The following SHTN1 variants were observed in gnomAD, a reference collection of about 807,000 sequenced individuals.
The protein encoded by SHTN1 is shootin-1.
Under a neutral mutation model 83.1 loss-of-function variants are expected in SHTN1, and 42 were observed. The ratio of observed to expected loss-of-function variants is 0.51; its 90% CI spans 0.39 to 0.65. The LOEUF (loss-of-function observed/expected upper bound fraction) is 0.65, where lower values mean the gene tolerates loss of function less well. Ranked by LOEUF, SHTN1 falls within the 30% of genes least tolerant of loss-of-function variation. SHTN1 has a pLI of 0.00. For missense variants in SHTN1, 622 were observed against 737.8 expected, an observed-to-expected ratio of 0.84 and a Z score of 1.82; for synonymous variants, 224 against 247.7, an observed-to-expected ratio of 0.90 and a Z score of 0.90.
chr10:117,018,082 TGTA>T (rs1291050593), intron 2 of SHTN1, among the ~76,000 whole-genome samples: 3 of 152,258 alleles, frequency 2.0e-5, no homozygotes, highest in African/African-American at 4.8e-5. Flanking sequence ...CTACAATTGA[TGTA>T]GTATTCTGGA....
chr10:117,099,391 T>G (rs1044476711), intron 1 of SHTN1, among the ~76,000 whole-genome samples: 1 of 151,788 alleles, frequency 6.6e-6, no homozygotes, highest in African/African-American at 2.4e-5. Context: ...AATAAAAAAA[T>G]TTTAAGTATA....
At chr10:117,088,969 C>T (rs547466747) in intron 1 of SHTN1, among the ~76,000 whole-genome samples, 5 of 152,188 alleles carry the variant, frequency 3.3e-5, no homozygotes, top group African/African-American at 9.7e-5. Flanking sequence ...CTCTATATCC[C>T]TATAACCTGG....
intron 1 of SHTN1, among the ~76,000 whole-genome samples, chr10:117,073,516 T>C (rs1351054651): frequency 6.6e-6 from 1 of 152,194 alleles, no homozygotes; most frequent in Non-Finnish European, 1.5e-5. Context: ...GCATTTCCAA[T>C]ATGTCACAGA....
intron 2 of SHTN1, among the ~76,000 whole-genome samples, chr10:117,042,263 T>C (rs1178985943): frequency 6.6e-6 from 1 of 152,204 alleles, no homozygotes; most frequent in Non-Finnish European, 1.5e-5. Flanking sequence ...AGAAATGTCA[T>C]GCTCAGAAGC....
intron 2 of SHTN1, among the ~76,000 whole-genome samples, chr10:116,972,274 T>C (rs1850644349): frequency 6.6e-6 from 1 of 152,164 alleles, no homozygotes; most frequent in African/African-American, 2.4e-5. Context: ...CATGTTGCTT[T>C]GCTTTCTATT....
rs1388984413 is a variant in SHTN1 at position 117,038,087 on chromosome 10, C to A, written c.-123+10358G>T. Reference sequence around the variant, plus strand: ...TGTAAAACGTAAAACCATAAAACTCCAAGAAGATAACATAGAAGAAACTAT... The same window carrying A: ...TGTAAAACGTAAAACCATAAAACTCAAAGAAGATAACATAGAAGAAACTAT... On this transcript the variant is annotated intron_variant, in intron 2 of 17. Coordinates refer to the SHTN1 transcript ENST00000392901. Among the ~76,000 whole-genome samples, 5 of 151,062 alleles carry A rather than the reference C, an allele frequency of 3.3e-5. No homozygotes were observed. The South Asian group carries it at 8.4e-4, about 25-fold the overall frequency.
chr10:117,107,066 T>C (rs888588806), intron 1 of SHTN1, among the ~76,000 whole-genome samples: 5 of 152,338 alleles, frequency 3.3e-5, no homozygotes, highest in East Asian at 1.9e-4. Context: ...CCTCCACTTA[T>C]ATTCCCAGCT....
chr10:116,897,943 T>A (rs1403181661), intron 16 of SHTN1, among the ~76,000 whole-genome samples: 1 of 152,176 alleles, frequency 6.6e-6, no homozygotes, highest in African/African-American at 2.4e-5. Flanking sequence ...AAAATACAAA[T>A]CATTCTTGTT....
chr10:116,937,303 T>C (rs754845696), intron 9 of SHTN1, among the ~76,000 whole-genome samples: 1 of 152,202 alleles, frequency 6.6e-6, no homozygotes, highest in Non-Finnish European at 1.5e-5. Context: ...CTGGTACCAG[T>C]CTTTCCTTTC....
At chr10:117,090,660 G>A (rs1415494544) in intron 1 of SHTN1, among the ~76,000 whole-genome samples, 2 of 152,100 alleles carry the variant, frequency 1.3e-5, no homozygotes, top group South Asian at 2.1e-4. Context: ...TCATATGATT[G>A]TGCCAGTTGT....
intron 1 of SHTN1, among the ~76,000 whole-genome samples, chr10:116,987,009 G>A (rs1564915741): frequency 6.6e-6 from 1 of 152,016 alleles, no homozygotes; most frequent in East Asian, 1.9e-4. Flanking sequence ...TTACAGGTGT[G>A]AACCACCGTG....
chr10:116,958,674 GCC>G (rs1850069401), intron 4 of SHTN1, among the ~76,000 whole-genome samples: 1 of 90,266 alleles, frequency 1.1e-5, no homozygotes, highest in Non-Finnish European at 3.2e-5. Flanking sequence ...GAGTTCTCTT[GCC>G]CAAAAACACC....
chr10:117,026,959 C>G (rs538121323), intron 2 of SHTN1, among the ~76,000 whole-genome samples: 2 of 152,320 alleles, frequency 1.3e-5, no homozygotes, highest in African/African-American at 4.8e-5. Context: ...TTCTTTGACC[C>G]AGCACAGTCC....
At chr10:116,939,362 C>T (rs930247794) in intron 9 of SHTN1, among the ~76,000 whole-genome samples, 4 of 152,206 alleles carry the variant, frequency 2.6e-5, no homozygotes, top group African/African-American at 4.8e-5. Context: ...AGTATCTGGG[C>T]TGGAGAGCAC....
At chr10:117,112,059 G>A (rs1185771359) in intron 1 of SHTN1, among the ~76,000 whole-genome samples, 10 of 151,958 alleles carry the variant, frequency 6.6e-5, no homozygotes, top group African/African-American at 1.7e-4. Flanking sequence ...TCTGCCTCCC[G>A]GATTCAAGCA....
intron 11 of SHTN1, among the ~76,000 whole-genome samples, chr10:116,926,649 A>G (rs1258974162): frequency 6.6e-6 from 1 of 152,184 alleles, no homozygotes; most frequent in African/African-American, 2.4e-5. Flanking sequence ...AAAGGTGCAA[A>G]GTATGAATAA....
chr10:116,985,711 G>A (rs1851195600), intron 1 of SHTN1, among the ~76,000 whole-genome samples: 2 of 152,160 alleles, frequency 1.3e-5, no homozygotes, highest in African/African-American at 2.4e-5. Flanking sequence ...CCTCATGAGA[G>A]CTTCTAATGT....
intron 1 of SHTN1, among the ~76,000 whole-genome samples, chr10:117,086,474 A>T (rs568877835): frequency 1.2e-4 from 18 of 152,360 alleles, no homozygotes; most frequent in African/African-American, 4.3e-4. Context: ...ACTAGTATCT[A>T]CAATACTTGT....
In SHTN1 at chr10:117,014,494, CAGCACCCTTCTAGCTGGCAA is replaced by C. The variant is rs375739624; in HGVS notation, c.-123+33931_-123+33950del. Among the ~76,000 whole-genome samples the C allele has an allele frequency of 5.3e-3, 800 of 152,310 alleles. 10 individuals are homozygous for C. The highest frequency in any genetic ancestry group is 0.018 in the African/African-American group (762 of 41,562). ...GCTGAAGACAAAAGGAACCATACAT[CAGCACCCTTCTAGCTGGCAA>C]ATCTACCTCTCTCTAGAGTATGGGT... On this transcript the variant is annotated intron_variant, in intron 2 of 17. Transcript: ENST00000392901.
Sources: gnomAD v4.1 joint callset for allele counts (sites outside exome capture counted in the v4.1 genomes callset) on GRCh38, gnomAD v4.1.1 for gene constraint, MANE v1.5 for transcripts, NCBI Gene and HGNC (gene_info 2026-07-23, HGNC 2026-07-21) for gene names.